The following MACF1 variants were observed in gnomAD, a reference collection of about 807,000 sequenced individuals.
MACF1 encodes microtubule-actin cross-linking factor 1.
Under a neutral mutation model 854.8 loss-of-function variants are expected in MACF1, and 193 were observed. The observed-to-expected ratio is 0.23, with a 90% CI of 0.20 to 0.25. MACF1 has a LOEUF of 0.25. Ranked by LOEUF, MACF1 falls within the 10% of genes least tolerant of loss-of-function variation. MACF1 has a pLI of 1.00. For missense variants in MACF1, 7,722 were observed against 8,929.1 expected, an observed-to-expected ratio of 0.86 and a Z score of 5.45; for synonymous variants, 3,185 against 3,226.7, an observed-to-expected ratio of 0.99 and a Z score of 0.44.
rs1432892517 is a variant in MACF1 at position 39,105,541 on chromosome 1, G to A, written c.220+21103G>A. ...CCGTCTCTGAGACGCACAAAGGGTC[G>A]AGGCTGGGGCCGCCGCCGCCTCAGC... On this transcript the variant is annotated intron_variant, in intron 2 of 93. Transcript: ENST00000361689. The surrounding 1 kb of genome is among the most constrained non-coding windows in gnomAD (Gnocchi z 5.9). 3.8e-6 allele frequency: 4 copies of A among 1,054,298 alleles called. No individual in the cohort carries two copies. The highest frequency in any genetic ancestry group is 4.6e-6 in the Non-Finnish European group (4 of 874,358). 65.3% of individuals were successfully genotyped at this position (1,054,298 alleles called of 1,614,324 possible). A position where few individuals can be genotyped will look rare whatever the true frequency, so the allele number is the denominator to read the frequency against.
At chr1:39,186,199 T>G (rs1442174621) in intron 2 of MACF1, among the ~76,000 whole-genome samples, 4 of 129,158 alleles carry the variant, frequency 3.1e-5, no homozygotes, top group African/African-American at 1.3e-4. Flanking sequence ...TCTCTCTCTC[T>G]CTCTCTCTCT....
At chr1:39,367,425 C>T (rs1297665407) in intron 49 of MACF1, among the ~76,000 whole-genome samples, 3 of 152,038 alleles carry the variant, frequency 2.0e-5, no homozygotes, top group Non-Finnish European at 4.4e-5. Flanking sequence ...TCTTGAACTC[C>T]TAGGCTTAAG....
intron 2 of MACF1, among the ~76,000 whole-genome samples, chr1:39,089,298 T>A (rs1641748366): frequency 6.6e-6 from 1 of 152,188 alleles, no homozygotes; most frequent in African/African-American, 2.4e-5. Flanking sequence ...ATTGGATCCC[T>A]CTCTGGTTGT....
rs1357441260 is a variant in MACF1, at chr1:39,287,441, C to A, written c.1664C>A (p.Ser555Tyr). 4 of 1,614,188 alleles carry A rather than the reference C, an allele frequency of 2.5e-6. No individual in the cohort carries two copies. The highest frequency in any genetic ancestry group is 2.2e-5 in the East Asian group (1 of 44,870). The change falls in exon 15 of 101, where the codon TCT becomes TAT. Residue 555 changes from serine (S) to tyrosine (Y), a missense_variant. Physicochemically the swap from Ser to Tyr is moderately radical, Grantham distance 144. This residue lies in a region of MACF1 where 1,137 missense variants were observed against 1,263.0 expected (regional missense o/e 0.90). Coordinates refer to ENST00000564288, the MANE Select transcript of MACF1 (RefSeq NM_001394062.1). ...AEPLTKATHSSSTSWFRKPMT... is the reference protein window; with the variant it reads ...AEPLTKATHSYSTSWFRKPMT... The stretch of plus-strand genomic sequence containing the variant: ...CCCTTAACCAAGGCAACCCATTCTT[C>A]TTCTACCTCCTGGTTCCGAAAGCCT...
In MACF1 at chr1:39,231,239, T is replaced by A; in HGVS notation, c.167T>A (p.Met56Lys). ...TFTKWVNKHLMKVRKHINDLY... is the reference protein window; with the variant it reads ...TFTKWVNKHLKKVRKHINDLY... ...ACCAAGTGGGTCAACAAGCACTTAA[T>A]GAAGGTAGGACCCTTTCATATATAT... The change falls in exon 2 of 101, where the codon ATG (methionine) becomes AAG (lysine). Residue 56 changes from methionine to lysine, a missense_variant. Around this residue, in one of 15 missense-constraint regions of MACF1, gnomAD observed 82 missense variants for 84.0 expected, o/e 0.98. Transcript: ENST00000564288. 1 of 1,614,104 alleles carries A rather than the reference T, an allele frequency of 6.2e-7. No homozygotes were observed. Among genetic ancestry groups the A allele is most frequent in the Non-Finnish European group, 8.5e-7 (1 of 1,179,914 alleles).
rs1392538738 is a variant in MACF1 at position 39,364,852 on chromosome 1, T to C, written c.12771+3175T>C. 2.0e-5 allele frequency among the ~76,000 whole-genome samples: 3 copies of C among 152,186 alleles called. No individual in the cohort carries two copies. In the East Asian group the frequency reaches 5.8e-4, roughly 29 times the overall value. On this transcript the variant is annotated intron_variant, in intron 49 of 100. Coordinates refer to ENST00000564288, the MANE Select transcript of MACF1 (RefSeq NM_001394062.1). ...TATGAGTATTTTATTAAATATGTAT[T>C]TTTAGTCATAGTTTGAAAGATTTTT...
chr1:39,190,371 G>C (rs509301), intron 2 of MACF1, among the ~76,000 whole-genome samples: 119,793 of 123,954 alleles, frequency 0.97, 57,864 homozygotes, highest in Middle Eastern at 1. Context: ...CTCTTCTTTT[G>C]TGTGTGTGTG....
In MACF1 at chr1:39,208,159, T is replaced by C. The variant is rs530115551; in HGVS notation, c.109+3028T>C. The stretch of plus-strand genomic sequence containing the variant: ...AAAAAAAAAAAAAAGAAAAGAAATA[T>C]AAAAGGGTTTTTTTTTTTTAATTAA... On this transcript the variant is annotated intron_variant, in intron 1 of 100. Transcript: ENST00000564288. 3.3e-3 allele frequency among the ~76,000 whole-genome samples: 359 copies of C among 107,530 alleles called. 3 individuals are homozygous for C. Among genetic ancestry groups the C allele is most frequent in the African/African-American group, 9.5e-3 (345 of 36,244 alleles). The allele number at this position is 107,530 out of a possible 152,430, so 70.5% of individuals were successfully genotyped here.
chr1:39,420,140 A>G (rs1643479158), intron 58 of MACF1, among the ~76,000 whole-genome samples: 1 of 152,230 alleles, frequency 6.6e-6, no homozygotes, highest in Admixed American at 6.5e-5. Context: ...TTAAATGTCA[A>G]TAGCTATATG....
chr1:39,451,028 G>A (rs1644332956), intron 84 of MACF1, 24 bp from the exon 85 acceptor site: 1 of 1,606,062 alleles, frequency 6.2e-7, no homozygotes, highest in Admixed American at 1.7e-5. Context: ...CCTAAAAATG[G>A]TAGCGTTTGT....
At chr1:39,102,562 G>A in intron 2 of MACF1, 1 of 597,150 alleles carries the variant, frequency 1.7e-6, no homozygotes, top group Non-Finnish European at 3.0e-6. Context: ...TGGCCCTGAG[G>A]CGAGATAACA....
At position 39,409,131 on chromosome 1, in the gene MACF1, G is replaced by GC. The variant is rs1415009245; in HGVS notation, c.15817-13237dup. Among the ~76,000 whole-genome samples, 10 of 151,942 alleles carry GC rather than the reference G, an allele frequency of 6.6e-5. No homozygotes were observed. Among genetic ancestry groups the GC allele is most frequent in the African/African-American group, 2.2e-4 (9 of 41,388 alleles). On this transcript the variant is annotated intron_variant, in intron 58 of 100. Transcript: ENST00000564288. This position sits in a 1 kb window ranked among gnomAD's most constrained non-coding sequence, Gnocchi z 4.2. ...CGCGCTGCGCGGGGGAGGAGGACTCGCCCCCCGCCCGACCCTAGCGGAGCC... is the reference window on the plus strand; with the variant it reads ...CGCGCTGCGCGGGGGAGGAGGACTCGCCCCCCCGCCCGACCCTAGCGGAGCC...
At chr1:39,330,695 C>CT in intron 36 of MACF1, among the ~76,000 whole-genome samples, 1 of 151,964 alleles carries the variant, frequency 6.6e-6, no homozygotes, top group East Asian at 1.9e-4. Context: ...TAGAAAAACT[C>CT]TTTTTTAGTC....
rs1227105348 is a variant in MACF1 at position 39,450,964 on chromosome 1, A to G, written c.20259-88A>G. On this transcript the variant is annotated intron_variant, in intron 84 of 100. Transcript: ENST00000564288. ...AGAAGTCACTCTCTATATAGGGTTC[A>G]AGCAATATTCCCTTTCAGCGAGGCA... 5 of 1,442,058 alleles carry G rather than the reference A, an allele frequency of 3.5e-6. No individual in the cohort carries two copies. In the African/African-American group the frequency reaches 5.6e-5, roughly 16 times the overall value. The allele number at this position is 1,442,058 out of a possible 1,614,324, so 89.3% of individuals were successfully genotyped here.
rs1396082488 is a variant in MACF1 at position 39,388,493 on chromosome 1, A to C, written c.15651A>C (p.Lys5217Asn). 1 of 1,614,214 alleles carries C rather than the reference A, an allele frequency of 6.2e-7. No individual in the cohort carries two copies. The highest frequency in any genetic ancestry group is 1.1e-5 in the South Asian group (1 of 91,078). Residue 5217 changes from lysine to asparagine, a missense_variant, in exon 58 of 101, where the codon AAA (lysine) becomes AAC (asparagine). By Grantham distance (94) the Lys-to-Asn change is moderately conservative. Transcript: ENST00000564288. ...GTGGCAAACTGACAGAGAGGGGGAA[A>C]GCTCGTCAGGAACAGCTGGAACTGA... ...KQCGKLTERG[K>N]ARQEQLELTL...
At chr1:39,341,050 T>C in intron 40 of MACF1, 97 bp downstream of exon 40, 3 of 1,092,402 alleles carry the variant, frequency 2.7e-6, no homozygotes, top group Non-Finnish European at 3.8e-6. Flanking sequence ...TTTTTTTTTT[T>C]TGAGACGGAG....
intron 2 of MACF1, among the ~76,000 whole-genome samples, chr1:39,193,183 C>T (rs1390243445): frequency 6.6e-6 from 1 of 151,948 alleles, no homozygotes; most frequent in African/African-American, 2.4e-5. Context: ...GAACAGTCCC[C>T]ATAGACAGGG....
intron 23 of MACF1, among the ~76,000 whole-genome samples, chr1:39,309,126 T>C (rs1646247497): frequency 6.6e-6 from 1 of 152,234 alleles, no homozygotes; most frequent in South Asian, 2.1e-4. Flanking sequence ...TCTCTGGTTA[T>C]TTCTTCTCTC....
chr1:39,214,383 A>C (rs1277215666), intron 1 of MACF1, among the ~76,000 whole-genome samples: 1 of 152,214 alleles, frequency 6.6e-6, no homozygotes, highest in East Asian at 1.9e-4. Context: ...CAATTAGCCA[A>C]GACTCGGAAA....
Sources: allele counts gnomAD v4.1 joint callset (sites outside exome capture counted in the v4.1 genomes callset), GRCh38; gene constraint gnomAD v4.1.1; regional missense constraint gnomAD v4.1.1; non-coding constraint Gnocchi (gnomAD v3.1); transcripts MANE v1.5; gene names NCBI Gene and HGNC (gene_info 2026-07-23, HGNC 2026-07-21).